Variants in NEK11 observed in about 807,000 individuals in gnomAD.
NEK11 encodes serine/threonine-protein kinase Nek11.
A neutral mutation model predicts 80.7 loss-of-function variants in NEK11; 72 were observed. The ratio of observed to expected loss-of-function variants is 0.89; its 90% CI spans 0.74 to 1.08. The LOEUF (loss-of-function observed/expected upper bound fraction) is 1.08, where lower values mean the gene tolerates loss of function less well. Ranked by LOEUF, NEK11 falls within the 50% of genes least tolerant of loss-of-function variation. The pLI is 0.00. For missense variants in NEK11, 764 were observed against 763.6 expected, an observed-to-expected ratio of 1.00 and a Z score of -0.01; for synonymous variants, 251 against 260.7, an observed-to-expected ratio of 0.96 and a Z score of 0.36.
Position 131,247,828 on chromosome 3 carries a change from G to A in NEK11, c.1621+4332G>A, listed in dbSNP as rs186787608. On this transcript the variant is annotated intron_variant, in intron 16 of 17. Coordinates refer to ENST00000383366, the MANE Select transcript of NEK11 (RefSeq NM_024800.5). ...AAATTTTTCACTTATTTGGTTAAAT[G>A]TATTCCTAGGGTTTTTTTTTTTTTG... Among the ~76,000 whole-genome samples the A allele has an allele frequency of 5.8e-3, 688 of 118,854 alleles. 6 individuals are homozygous for A. The highest frequency in any genetic ancestry group is 0.018 in the African/African-American group (625 of 35,288). The allele number at this position is 118,854 out of a possible 152,430, so 78.0% of individuals were successfully genotyped here.
intron 16 of NEK11, among the ~76,000 whole-genome samples, chr3:131,257,803 C>G (rs2095843341): frequency 6.6e-6 from 1 of 152,100 alleles, no homozygotes; most frequent in African/African-American, 2.4e-5. Context: ...ACCATTCAAT[C>G]CAGCAATCTC....
At chr3:131,200,059 A>G (rs1183829266) in intron 14 of NEK11, among the ~76,000 whole-genome samples, 1 of 152,196 alleles carries the variant, frequency 6.6e-6, no homozygotes, top group African/African-American at 2.4e-5. Context: ...TTGATATATC[A>G]TATTAAAACT....
chr3:131,349,753 C>T lies in NEK11; in HGVS notation c.1915C>T (p.Pro639Ser). The T allele has an allele frequency of 6.2e-7, 1 of 1,613,898 alleles. No individual in the cohort carries two copies. Among genetic ancestry groups the T allele is most frequent in the Non-Finnish European group, 8.5e-7 (1 of 1,179,792 alleles). Reference sequence around the variant, plus strand: ...GTTGCTGATCACGATGGGAAAAGAACCTACTCTCCAGAACCATCTCTAGGC... The same window carrying T: ...GTTGCTGATCACGATGGGAAAAGAATCTACTCTCCAGAACCATCTCTAGGC... The part of the protein sequence containing the change: ...EQLLITMGKE[P>S]TLQNHL Residue 639 changes from proline (P) to serine (S), a missense_variant, in exon 18 of 18, where the codon CCT becomes TCT. By Grantham distance (74) the Pro-to-Ser change is moderately conservative. Transcript: ENST00000383366.
At chr3:131,276,215 C>A (rs2108746203) in intron 17 of NEK11, among the ~76,000 whole-genome samples, 1 of 152,298 alleles carries the variant, frequency 6.6e-6, no homozygotes, top group South Asian at 2.1e-4. Flanking sequence ...ATATTAATTG[C>A]CACAGCTGGA....
intron 7 of NEK11, among the ~76,000 whole-genome samples, chr3:131,146,451 C>A (rs934784968): frequency 2.0e-5 from 3 of 152,084 alleles, no homozygotes; most frequent in African/African-American, 7.2e-5. Flanking sequence ...ACTGATAAAA[C>A]CAGAGTTTGA....
intron 4 of NEK11, among the ~76,000 whole-genome samples, chr3:131,108,641 G>A (rs1040263503): frequency 2.6e-4 from 40 of 151,984 alleles, no homozygotes; most frequent in African/African-American, 9.7e-4. Context: ...ACACTGCCAG[G>A]CTATTTTAGA....
intron 15 of NEK11, among the ~76,000 whole-genome samples, chr3:131,240,103 T>C (rs1000490699): frequency 6.6e-6 from 1 of 152,162 alleles, no homozygotes; most frequent in African/African-American, 2.4e-5. Flanking sequence ...TTTTTCCCTT[T>C]AACTCATTTA....
chr3:131,127,720 A>T (rs907085766), intron 5 of NEK11, among the ~76,000 whole-genome samples: 1 of 152,094 alleles, frequency 6.6e-6, no homozygotes, highest in African/African-American at 2.4e-5. Flanking sequence ...TGAACAATAT[A>T]TGTGAAATAT....
At chr3:131,155,199 C>G (rs921041598) in intron 10 of NEK11, 78 bp downstream of exon 10, 12 of 878,300 alleles carry the variant, frequency 1.4e-5, no homozygotes, top group African/African-American at 1.3e-4. Context: ...TCTATTAGCA[C>G]TAAACTGACT....
intron 3 of NEK11, 57 bp downstream of exon 3, chr3:131,029,935 T>C (rs2064533304): frequency 1.3e-6 from 2 of 1,521,656 alleles, no homozygotes. Flanking sequence ...TTGCAGGTCT[T>C]AGCTGATTAG....
intron 17 of NEK11, among the ~76,000 whole-genome samples, chr3:131,298,457 C>T (rs534507776): frequency 6.6e-6 from 1 of 152,282 alleles, no homozygotes; most frequent in East Asian, 1.9e-4. Flanking sequence ...CATGATTTGG[C>T]TCTCTGTCAG....
chr3:131,297,840 G>A (rs1331027627), intron 17 of NEK11, among the ~76,000 whole-genome samples: 4 of 152,094 alleles, frequency 2.6e-5, no homozygotes, highest in Admixed American at 6.6e-5. Flanking sequence ...TAATTTTTGT[G>A]TAAGGTGTAA....
chr3:131,154,602 T>C (rs1015981169), intron 9 of NEK11, among the ~76,000 whole-genome samples: 1 of 152,230 alleles, frequency 6.6e-6, no homozygotes, highest in Admixed American at 6.5e-5. Context: ...AACAATAATG[T>C]TCATTAAAAT....
At chr3:131,061,382 A>G (rs990060532) in intron 3 of NEK11, among the ~76,000 whole-genome samples, 1 of 152,146 alleles carries the variant, frequency 6.6e-6, no homozygotes, top group South Asian at 2.1e-4. Context: ...GGTAGAATGT[A>G]GGGCAGGTAG....
chr3:131,130,512 C>T (rs147331463), intron 5 of NEK11, among the ~76,000 whole-genome samples: 57 of 152,120 alleles, frequency 3.7e-4, no homozygotes, highest in African/African-American at 1.4e-3. Flanking sequence ...TTCCCTTGTT[C>T]CTGATATCAG....
intron 3 of NEK11, among the ~76,000 whole-genome samples, chr3:131,069,477 G>A (rs562085996): frequency 1.3e-5 from 2 of 152,186 alleles, no homozygotes; most frequent in East Asian, 3.9e-4. Flanking sequence ...CCATTACTGG[G>A]TATATACCCA....
intron 7 of NEK11, among the ~76,000 whole-genome samples, chr3:131,138,328 T>A (rs2086071072): frequency 6.6e-6 from 1 of 152,000 alleles, no homozygotes; most frequent in Non-Finnish European, 1.5e-5. Context: ...CCTCTGCACA[T>A]AGGAAGGGGA....
chr3:131,064,960 G>A (rs6780267), intron 3 of NEK11, among the ~76,000 whole-genome samples: 83,798 of 151,892 alleles, frequency 0.55, 23,330 homozygotes, highest in Middle Eastern at 0.72. Flanking sequence ...GGCAGAGAAA[G>A]GGTAGAGACA....
intron 17 of NEK11, among the ~76,000 whole-genome samples, chr3:131,322,440 A>G (rs748157): frequency 0.12 from 18,138 of 152,134 alleles, 1,543 homozygotes; most frequent in East Asian, 0.3. Flanking sequence ...GCATGCCCCC[A>G]AATCTAAAAT....
Sources: gnomAD v4.1 joint callset for allele counts (sites outside exome capture counted in the v4.1 genomes callset) on GRCh38, gnomAD v4.1.1 for gene constraint, MANE v1.5 for transcripts, NCBI Gene and HGNC (gene_info 2026-07-23, HGNC 2026-07-21) for gene names.